Variants in MROH9 observed in about 807,000 individuals in gnomAD.
MROH9 encodes the protein maestro heat like repeat family member 9.
A neutral mutation model predicts 98.2 loss-of-function variants in MROH9; 92 were observed. That is an observed-to-expected ratio of 0.94 (90% CI 0.79 to 1.11). MROH9 has a LOEUF of 1.11. Ranked by LOEUF, MROH9 falls within the 50% of genes most tolerant of loss-of-function variation. The pLI is 0.00. For synonymous variants in MROH9, 397 were observed against 368.9 expected, an observed-to-expected ratio of 1.08 and a Z score of -0.87; for missense variants, 1,057 against 1,014.8, an observed-to-expected ratio of 1.04 and a Z score of -0.57.
intron 12 of MROH9, among the ~76,000 whole-genome samples, chr1:170,993,019 A>G (rs535789933): frequency 6.6e-6 from 1 of 152,242 alleles, no homozygotes; most frequent in South Asian, 2.1e-4. Flanking sequence ...CAAATGTGAA[A>G]TGTTGGAATA....
chr1:170,961,232 G>A (rs530771682), intron 5 of MROH9, among the ~76,000 whole-genome samples: 39 of 152,172 alleles, frequency 2.6e-4, no homozygotes, highest in African/African-American at 6.5e-4. Flanking sequence ...AAAAGTATAC[G>A]TACAAGAGTA....
In MROH9 at chr1:170,958,384, G is replaced by C. The variant is rs187311513; in HGVS notation, c.73-77G>C. ...TTTAGTCTCTGTAAAAGGAAGAAGT[G>C]CACATGCTATTATGAGTCTCACTGC... On this transcript the variant is annotated intron_variant, in intron 3 of 21. Transcript: ENST00000367759. 39 of 789,878 alleles carry C rather than the reference G, an allele frequency of 4.9e-5. No homozygotes were observed. In the East Asian group the frequency reaches 1.0e-3, roughly 20 times the overall value. The allele number at this position is 789,878 out of a possible 1,614,324, so 48.9% of individuals were successfully genotyped here.
At chr1:171,004,095 C>T (rs942948121) in intron 15 of MROH9, among the ~76,000 whole-genome samples, 3 of 152,064 alleles carry the variant, frequency 2.0e-5, no homozygotes, top group Non-Finnish European at 4.4e-5. Flanking sequence ...CACCATGCCC[C>T]CTGCAACAGC....
intron 1 of MROH9, among the ~76,000 whole-genome samples, chr1:170,937,844 C>T (rs1438219739): frequency 6.6e-6 from 1 of 152,124 alleles, no homozygotes; most frequent in Non-Finnish European, 1.5e-5. Context: ...TTTTTAACTC[C>T]CTTTTTCTAC....
At position 170,996,659 on chromosome 1, in the gene MROH9, C is replaced by G; in HGVS notation, c.1475+15C>G. ...TTTATTGCTAAGTAAGAACAGGGGT[C>G]TCTGTGTAGGATTCTTGGTCTCTAT... On this transcript the variant is annotated intron_variant, in intron 14 of 21. Coordinates refer to ENST00000367759, the MANE Select transcript of MROH9 (RefSeq NM_001163629.2). The G allele has an allele frequency of 6.2e-7, 1 of 1,612,426 alleles. No individual in the cohort carries two copies. Among genetic ancestry groups the G allele is most frequent in the East Asian group, 2.2e-5 (1 of 44,824 alleles).
intron 3 of MROH9, among the ~76,000 whole-genome samples, chr1:170,950,986 C>T (rs1332004970): frequency 6.6e-6 from 1 of 151,830 alleles, no homozygotes; most frequent in African/African-American, 2.4e-5. Flanking sequence ...CTGAAAATCC[C>T]TCTTTTTTTC....
At chr1:170,980,358 C>G (rs1281705560) in intron 8 of MROH9, among the ~76,000 whole-genome samples, 1 of 152,100 alleles carries the variant, frequency 6.6e-6, no homozygotes, top group Admixed American at 6.5e-5. Context: ...GCTACAGTAA[C>G]CAAAACAATA....
At chr1:171,025,156 A>G (rs897310908) in intron 19 of MROH9, among the ~76,000 whole-genome samples, 162 bp from the exon 20 acceptor site, 1 of 152,232 alleles carries the variant, frequency 6.6e-6, no homozygotes, top group Non-Finnish European at 1.5e-5. Flanking sequence ...TAATCAAAGA[A>G]TGGAAAAAGA....
At chr1:171,017,278 C>A (rs111586632) in intron 17 of MROH9, among the ~76,000 whole-genome samples, 1 of 152,198 alleles carries the variant, frequency 6.6e-6, no homozygotes, top group African/African-American at 2.4e-5. Flanking sequence ...GACTAGGCAG[C>A]GGGCATGACC....
At chr1:171,006,576 T>A (rs1651959552) in intron 15 of MROH9, among the ~76,000 whole-genome samples, 1 of 152,176 alleles carries the variant, frequency 6.6e-6, no homozygotes, top group Non-Finnish European at 1.5e-5. Flanking sequence ...CTCAAAACTG[T>A]CTGAATCTTG....
At chr1:170,989,501 T>C (rs1651269931) in intron 10 of MROH9, among the ~76,000 whole-genome samples, 2 of 152,224 alleles carry the variant, frequency 1.3e-5, no homozygotes, top group African/African-American at 4.8e-5. Flanking sequence ...TGTAGCTCCA[T>C]TGTTATTCTG....
chr1:170,968,457 C>A (rs1219973979), intron 7 of MROH9, among the ~76,000 whole-genome samples: 1 of 152,164 alleles, frequency 6.6e-6, no homozygotes, highest in East Asian at 1.9e-4. Context: ...GCAAGCCTTG[C>A]TCACACACAA....
intron 20 of MROH9, among the ~76,000 whole-genome samples, chr1:171,045,157 C>T (rs1012077370): frequency 1.7e-4 from 26 of 151,072 alleles, no homozygotes; most frequent in African/African-American, 5.8e-4. Flanking sequence ...CCCGCCACCA[C>T]GCCCGGTTAA....
At chr1:170,962,607 T>C (rs767875637) in intron 6 of MROH9, among the ~76,000 whole-genome samples, 4 of 152,126 alleles carry the variant, frequency 2.6e-5, no homozygotes, top group Non-Finnish European at 5.9e-5. Context: ...ACCAGGAGCA[T>C]CTATGAGCTG....
intron 8 of MROH9, among the ~76,000 whole-genome samples, chr1:170,975,258 T>C (rs1358466946): frequency 6.6e-6 from 1 of 152,066 alleles, no homozygotes; most frequent in Non-Finnish European, 1.5e-5. Flanking sequence ...ATGAATTAAA[T>C]GTTAAAAGTT....
At chr1:171,001,280 G>A (rs1304668799) in intron 15 of MROH9, among the ~76,000 whole-genome samples, 2 of 150,966 alleles carry the variant, frequency 1.3e-5, no homozygotes, top group African/African-American at 2.4e-5. Flanking sequence ...TTCTTTCTTC[G>A]GCTTGGTTTG....
At chr1:170,939,417 G>T (rs567277570) in intron 1 of MROH9, among the ~76,000 whole-genome samples, 1 of 152,328 alleles carries the variant, frequency 6.6e-6, no homozygotes, top group South Asian at 2.1e-4. Flanking sequence ...CCAAAAGGGG[G>T]CTATAGGGAT....
chr1:170,943,057 T>G (rs1057491515), intron 1 of MROH9, among the ~76,000 whole-genome samples: 2 of 152,172 alleles, frequency 1.3e-5, no homozygotes, highest in African/African-American at 4.8e-5. Flanking sequence ...CCCATCTTAT[T>G]CTAATAAGCA....
intron 1 of MROH9, among the ~76,000 whole-genome samples, chr1:170,942,880 G>A (rs1310046046): frequency 6.6e-6 from 1 of 152,088 alleles, no homozygotes; most frequent in Non-Finnish European, 1.5e-5. Context: ...TTGCTTGCAG[G>A]TGGGCCAGGG....
Sources: gnomAD v4.1 joint callset for allele counts (sites outside exome capture counted in the v4.1 genomes callset) on GRCh38, gnomAD v4.1.1 for gene constraint, MANE v1.5 for transcripts, NCBI Gene and HGNC (gene_info 2026-07-23, HGNC 2026-07-21) for gene names.